The following ZBTB20 variants were observed in gnomAD, a reference collection of about 807,000 sequenced individuals.
The protein encoded by ZBTB20 is zinc finger and BTB domain containing 20.
Under a neutral mutation model 56.9 loss-of-function variants are expected in ZBTB20, and 9 were observed. That is an observed-to-expected ratio of 0.16 (90% CI 0.10 to 0.28). The LOEUF is 0.28. Among genes scored for constraint, ZBTB20 ranks in the 10% least tolerant of loss-of-function variants. The pLI is 1.00. For synonymous variants in ZBTB20, 417 were observed against 420.7 expected, an observed-to-expected ratio of 0.99 and a Z score of 0.11; for missense variants, 655 against 1,003.0, an observed-to-expected ratio of 0.65 and a Z score of 4.69.
chr3:114,713,809 C>A (rs377072039), intron 5 of ZBTB20, among the ~76,000 whole-genome samples: 2 of 152,056 alleles, frequency 1.3e-5, no homozygotes, highest in South Asian at 4.1e-4. Flanking sequence ...ATAATATACA[C>A]GAAACAGTGA....
At chr3:114,708,892 G>A (rs2063876221) in intron 5 of ZBTB20, among the ~76,000 whole-genome samples, 1 of 151,922 alleles carries the variant, frequency 6.6e-6, no homozygotes, top group Non-Finnish European at 1.5e-5. Flanking sequence ...CATAATAAAA[G>A]CACATTTATT....
chr3:114,874,572 G>A (rs1320361627), intron 4 of ZBTB20, among the ~76,000 whole-genome samples: 2 of 152,110 alleles, frequency 1.3e-5, no homozygotes, highest in East Asian at 1.9e-4. Context: ...TGTCATATTC[G>A]TCATCACCAC....
intron 3 of ZBTB20, among the ~76,000 whole-genome samples, chr3:114,965,641 T>G (rs2077619524): frequency 6.6e-6 from 1 of 152,168 alleles, no homozygotes; most frequent in Admixed American, 6.5e-5. Context: ...TTACATTGCA[T>G]CATGTTTATG....
At chr3:114,760,202 A>G (rs1006687672) in intron 5 of ZBTB20, among the ~76,000 whole-genome samples, 1 of 152,170 alleles carries the variant, frequency 6.6e-6, no homozygotes, top group Non-Finnish European at 1.5e-5. Context: ...CTGCAAATTT[A>G]TTAATTTATT....
intron 5 of ZBTB20, among the ~76,000 whole-genome samples, chr3:114,784,488 T>A (rs1442230486): frequency 6.6e-6 from 1 of 152,202 alleles, no homozygotes; most frequent in African/African-American, 2.4e-5. Context: ...TGTAATCAGT[T>A]CAAGTAGTCT....
chr3:114,750,755 C>T (rs1241233117), intron 5 of ZBTB20, among the ~76,000 whole-genome samples: 4 of 152,106 alleles, frequency 2.6e-5, no homozygotes, highest in African/African-American at 9.7e-5. Context: ...ATGTAGCTAC[C>T]ACTGTAACTA....
chr3:114,837,551 T>C (rs1418062676), intron 4 of ZBTB20, among the ~76,000 whole-genome samples: 2 of 152,052 alleles, frequency 1.3e-5, no homozygotes, highest in Non-Finnish European at 2.9e-5. Flanking sequence ...ACTTGCCATG[T>C]GGGGGTCTTC....
intron 5 of ZBTB20, among the ~76,000 whole-genome samples, chr3:114,707,753 T>G (rs1375362003): frequency 6.6e-6 from 1 of 152,188 alleles, no homozygotes; most frequent in African/African-American, 2.4e-5. Flanking sequence ...GTTCTCTATA[T>G]TATTCTGGAG....
At chr3:114,451,663 AAAAC>A (rs2091618014) in intron 7 of ZBTB20, among the ~76,000 whole-genome samples, 1 of 152,144 alleles carries the variant, frequency 6.6e-6, no homozygotes, top group Non-Finnish European at 1.5e-5. Flanking sequence ...TAAATAAAAG[AAAAC>A]AAACAGAGTC....
chr3:114,489,943 C>A (rs2109487792), intron 7 of ZBTB20, among the ~76,000 whole-genome samples: 1 of 152,276 alleles, frequency 6.6e-6, no homozygotes, highest in Admixed American at 6.5e-5. Flanking sequence ...AGGGATCTTT[C>A]TTCTGTTGGA....
At chr3:114,664,963 G>T (rs1242236955) in intron 6 of ZBTB20, among the ~76,000 whole-genome samples, 1 of 151,964 alleles carries the variant, frequency 6.6e-6, no homozygotes, top group African/African-American at 2.4e-5. Context: ...CTGGAACAAG[G>T]AATGTAAAAT....
At chr3:114,356,687 T>C (rs2081288682) in intron 10 of ZBTB20, among the ~76,000 whole-genome samples, 1 of 152,198 alleles carries the variant, frequency 6.6e-6, no homozygotes, top group South Asian at 2.1e-4. Flanking sequence ...CAGTCATCTC[T>C]GGAGAAAGGG....
rs1577403759 is a variant in ZBTB20, at chr3:114,541,841, A to G, written c.-294-41450T>C. Among the ~76,000 whole-genome samples the G allele has an allele frequency of 2.6e-5, 4 of 152,278 alleles. No individual in the cohort carries two copies. In the South Asian group the frequency reaches 8.3e-4, roughly 32 times the overall value. ...CTGAGGAAACTGTCATCAAATTATT[A>G]AACCTCTCTGAATGTTATTATCAGA... On this transcript the variant is annotated intron_variant, in intron 6 of 11. Coordinates refer to ENST00000675478, the MANE Select transcript of ZBTB20 (RefSeq NM_001348800.3).
chr3:114,346,813 G>T (rs1258111586), intron 11 of ZBTB20, among the ~76,000 whole-genome samples: 1 of 151,434 alleles, frequency 6.6e-6, no homozygotes, highest in Non-Finnish European at 1.5e-5. Flanking sequence ...AGCGTCCCAA[G>T]TAGCTGGAAC....
At chr3:114,510,791 A>C (rs1374034615) in intron 6 of ZBTB20, among the ~76,000 whole-genome samples, 1 of 152,112 alleles carries the variant, frequency 6.6e-6, no homozygotes, top group Admixed American at 6.6e-5. Flanking sequence ...TGAGGTAGAG[A>C]AGTTTGATCT....
At chr3:114,595,793 T>G (rs1432062137) in intron 6 of ZBTB20, among the ~76,000 whole-genome samples, 2 of 152,186 alleles carry the variant, frequency 1.3e-5, no homozygotes, top group Admixed American at 1.3e-4. Context: ...CCTGATGTAT[T>G]CTTGTCACAA....
At chr3:114,693,691 G>T (rs144863492) in intron 5 of ZBTB20, 116 bp from the exon 6 acceptor site, 21 of 152,184 alleles carry the variant, frequency 1.4e-4, no homozygotes, top group African/African-American at 4.3e-4. Context: ...TGACTAAGTG[G>T]TAGTATATAA....
chr3:115,058,850 G>A (rs1243487983), intron 2 of ZBTB20, among the ~76,000 whole-genome samples: 1 of 152,128 alleles, frequency 6.6e-6, no homozygotes, highest in East Asian at 1.9e-4. Context: ...GGTTATATTT[G>A]TGTGTCTGTT....
At chr3:114,525,950 T>C (rs867036621) in intron 6 of ZBTB20, among the ~76,000 whole-genome samples, 1 of 152,236 alleles carries the variant, frequency 6.6e-6, no homozygotes, top group Non-Finnish European at 1.5e-5. Context: ...AGCTAAATCA[T>C]TGTCATTGCC....
Sources: allele counts gnomAD v4.1 joint callset (sites outside exome capture counted in the v4.1 genomes callset), GRCh38; gene constraint gnomAD v4.1.1; transcripts MANE v1.5; gene names NCBI Gene and HGNC (gene_info 2026-07-23, HGNC 2026-07-21).